Variants in AUTS2 observed in about 807,000 individuals in gnomAD.
AUTS2 encodes autism susceptibility gene 2 protein.
A neutral mutation model predicts 112.4 loss-of-function variants in AUTS2; 17 were observed. That is an observed-to-expected ratio of 0.15 (90% CI 0.10 to 0.23). AUTS2 has a LOEUF of 0.23. Among genes scored for constraint, AUTS2 ranks in the 10% least tolerant of loss-of-function variants. The pLI is 1.00. For synonymous variants in AUTS2, 751 were observed against 702.7 expected, an observed-to-expected ratio of 1.07 and a Z score of -1.09; for missense variants, 1,510 against 1,701.6, an observed-to-expected ratio of 0.89 and a Z score of 1.98.
intron 5 of AUTS2, among the ~76,000 whole-genome samples, chr7:70,526,129 A>G (rs2129496136): frequency 6.6e-6 from 1 of 152,218 alleles, no homozygotes; most frequent in Non-Finnish European, 1.5e-5. Flanking sequence ...TTGTCACTTC[A>G]TCCTTGGGAT....
chr7:69,722,617 T>G (rs1799021558), intron 1 of AUTS2, among the ~76,000 whole-genome samples: 1 of 152,218 alleles, frequency 6.6e-6, no homozygotes, highest in African/African-American at 2.4e-5. Flanking sequence ...ATTACAGGTG[T>G]GCACCACTGT....
chr7:69,749,443 GCAC>G (rs1464753785), intron 1 of AUTS2, among the ~76,000 whole-genome samples: 3 of 151,940 alleles, frequency 2.0e-5, no homozygotes, highest in Non-Finnish European at 4.4e-5. Context: ...GATGTTGTAG[GCAC>G]CACCTTTCTT....
intron 1 of AUTS2, among the ~76,000 whole-genome samples, chr7:69,614,694 G>A (rs1793270848): frequency 6.6e-6 from 1 of 151,950 alleles, no homozygotes; most frequent in Admixed American, 6.6e-5. Context: ...ATGTTACCCA[G>A]GCTGATCTAG....
intron 5 of AUTS2, among the ~76,000 whole-genome samples, chr7:70,621,004 G>C (rs1173295781): frequency 6.6e-6 from 1 of 152,340 alleles, no homozygotes; most frequent in South Asian, 2.1e-4. Flanking sequence ...TCAGAGCGGG[G>C]AGGACCATGA....
chr7:70,626,121 C>T (rs1804929304), intron 5 of AUTS2, among the ~76,000 whole-genome samples: 1 of 151,960 alleles, frequency 6.6e-6, no homozygotes, highest in African/African-American at 2.4e-5. Context: ...CCATATTGGT[C>T]AGGCTGGTCT....
intron 2 of AUTS2, among the ~76,000 whole-genome samples, chr7:70,037,962 G>A (rs1193632034): frequency 4.0e-5 from 4 of 99,048 alleles, no homozygotes; most frequent in East Asian, 2.8e-4. Flanking sequence ...TTGATACCCC[G>A]CCCCCCGCCC....
chr7:70,433,207 C>T (rs929396961), intron 4 of AUTS2, among the ~76,000 whole-genome samples: 3 of 152,164 alleles, frequency 2.0e-5, no homozygotes, highest in South Asian at 2.1e-4. Context: ...GACATACTGC[C>T]GTTAGGATAG....
At chr7:69,837,442 C>G (rs1791775751) in intron 1 of AUTS2, among the ~76,000 whole-genome samples, 1 of 152,102 alleles carries the variant, frequency 6.6e-6, no homozygotes, top group African/African-American at 2.4e-5. Context: ...ACCTTTTGTT[C>G]TCTTTATGCT....
intron 1 of AUTS2, among the ~76,000 whole-genome samples, chr7:69,844,921 T>A (rs1792129724): frequency 6.6e-6 from 1 of 152,194 alleles, no homozygotes; most frequent in Non-Finnish European, 1.5e-5. Context: ...AAATTCATTT[T>A]TCTGGTCCTG....
intron 4 of AUTS2, among the ~76,000 whole-genome samples, chr7:70,432,533 C>T (rs1021650156): frequency 1.3e-5 from 2 of 152,164 alleles, no homozygotes; most frequent in African/African-American, 4.8e-5. Context: ...AAACCGCTGC[C>T]AGTGAAGCAG....
At chr7:70,702,290 G>C (rs1445260142) in intron 6 of AUTS2, among the ~76,000 whole-genome samples, 3 of 152,210 alleles carry the variant, frequency 2.0e-5, no homozygotes, top group Admixed American at 6.5e-5. Flanking sequence ...CCTGGCATGT[G>C]GCTGTGGTCT....
chr7:69,720,058 T>C (rs1022838926), intron 1 of AUTS2, among the ~76,000 whole-genome samples: 3 of 152,182 alleles, frequency 2.0e-5, no homozygotes, highest in Non-Finnish European at 4.4e-5. Flanking sequence ...ATAGAAGTAG[T>C]CCAAGAAGAG....
chr7:69,981,313 T>C (rs910273994), intron 2 of AUTS2, among the ~76,000 whole-genome samples: 3 of 152,206 alleles, frequency 2.0e-5, no homozygotes, highest in African/African-American at 7.2e-5. Context: ...TTGGGGTCAG[T>C]TAAAAGAGCA....
At chr7:70,341,228 T>A (rs754773991) in intron 4 of AUTS2, among the ~76,000 whole-genome samples, 9 of 152,354 alleles carry the variant, frequency 5.9e-5, no homozygotes, top group Non-Finnish European at 1.2e-4. Context: ...TGAACTCTTC[T>A]TACCGGAGTA....
intron 3 of AUTS2, among the ~76,000 whole-genome samples, chr7:70,123,669 A>C (rs1805807849): frequency 6.6e-6 from 1 of 152,188 alleles, no homozygotes; most frequent in South Asian, 2.1e-4. Context: ...GTTCCTGCAA[A>C]AGACATGATC....
chr7:69,619,049 T>C lies in AUTS2; in HGVS notation c.309+19087T>C, dbSNP rs1583951568. On this transcript the variant is annotated intron_variant, in intron 1 of 18. Transcript: ENST00000342771. The stretch of plus-strand genomic sequence containing the variant: ...GACCTGCTGTTTGGAGGGTTGTGTT[T>C]GGTTTTTCTTCACTGGGTTCTCAGA... 2.0e-5 allele frequency among the ~76,000 whole-genome samples: 3 copies of C among 152,310 alleles called. No individual in the cohort carries two copies. The East Asian group carries it at 5.8e-4, about 29-fold the overall frequency.
intron 14 of AUTS2, among the ~76,000 whole-genome samples, chr7:70,779,863 G>A (rs906107823): frequency 2.6e-5 from 4 of 152,020 alleles, no homozygotes; most frequent in African/African-American, 9.7e-5. Context: ...TAGAGAGAGA[G>A]ACCTGTCTCT....
At position 70,383,568 on chromosome 7, in the gene AUTS2, A is replaced by C. The variant is rs1376809589; in HGVS notation, c.661-52184A>C. On this transcript the variant is annotated intron_variant, in intron 4 of 18. Transcript: ENST00000342771. ...TAGCTAAAAGCAGAATCTGTTCTGCATCTTTGAGGCATTCTTCGCAGCACA... is the reference window on the plus strand; with the variant it reads ...TAGCTAAAAGCAGAATCTGTTCTGCCTCTTTGAGGCATTCTTCGCAGCACA... 3.3e-5 allele frequency among the ~76,000 whole-genome samples: 5 copies of C among 152,326 alleles called. No homozygotes were observed. In the South Asian group the frequency reaches 8.3e-4, roughly 25 times the overall value.
chr7:70,162,475 A>T (rs959282943), intron 4 of AUTS2, among the ~76,000 whole-genome samples: 1 of 146,028 alleles, frequency 6.8e-6, no homozygotes, highest in South Asian at 2.2e-4. Context: ...AAAAAAAAAA[A>T]AAAAAGAAGT....
Sources: allele counts gnomAD v4.1 joint callset (sites outside exome capture counted in the v4.1 genomes callset), GRCh38; gene constraint gnomAD v4.1.1; transcripts MANE v1.5; gene names NCBI Gene and HGNC (gene_info 2026-07-23, HGNC 2026-07-21).